Variants in NKAIN2 observed in about 807,000 individuals in gnomAD.
NKAIN2 encodes sodium/potassium transporting ATPase interacting 2, also known as sodium/potassium-transporting ATPase subunit beta-1-interacting protein 2.
Under a neutral mutation model 32.6 loss-of-function variants are expected in NKAIN2, and 14 were observed. The observed-to-expected ratio is 0.43, with a 90% CI of 0.28 to 0.67. The LOEUF (loss-of-function observed/expected upper bound fraction) is 0.67, where lower values mean the gene tolerates loss of function less well. Ranked by LOEUF, NKAIN2 falls within the 30% of genes least tolerant of loss-of-function variation. The pLI is 0.17. For synonymous variants in NKAIN2, 80 were observed against 87.2 expected (o/e 0.92, Z 0.46); for missense variants, 198 against 258.3 (o/e 0.77, Z 1.60).
chr6:124,754,220 G>GTAAAT (rs1777857628), intron 4 of NKAIN2, among the ~76,000 whole-genome samples: 1 of 152,044 alleles, frequency 6.6e-6, no homozygotes, highest in Non-Finnish European at 1.5e-5. Context: ...GGTATTTATG[G>GTAAAT]ATGTAAACAT....
At chr6:123,822,367 A>C (rs1241339703) in intron 1 of NKAIN2, among the ~76,000 whole-genome samples, 8 of 152,198 alleles carry the variant, frequency 5.3e-5, no homozygotes, top group African/African-American at 1.4e-4. Context: ...TGGAGTTGAT[A>C]AGCCAGTTGG....
chr6:124,098,049 G>C (rs1421600589), intron 1 of NKAIN2, among the ~76,000 whole-genome samples: 1 of 152,142 alleles, frequency 6.6e-6, no homozygotes. Context: ...CTGGGGAAGA[G>C]GAGACCAAGG....
intron 1 of NKAIN2, among the ~76,000 whole-genome samples, chr6:124,082,990 C>G (rs1002315967): frequency 6.6e-6 from 1 of 151,932 alleles, no homozygotes; most frequent in African/African-American, 2.4e-5. Flanking sequence ...ACTATTATAT[C>G]TAAAAGACAG....
intron 1 of NKAIN2, among the ~76,000 whole-genome samples, chr6:123,932,367 A>C (rs1284474822): frequency 6.8e-6 from 1 of 147,198 alleles, no homozygotes; most frequent in Non-Finnish European, 1.5e-5. Flanking sequence ...TTACAAATCA[A>C]CATGTGTGGA....
In NKAIN2 at chr6:124,452,005, G is replaced by A. The variant is rs1479789210; in HGVS notation, c.273+96658G>A. On this transcript the variant is annotated intron_variant, in intron 3 of 6. Transcript: ENST00000368417. ...AGTCCAGGAGTTTGAGACCAGCCTG[G>A]GAGGCATGGCAAAACCCCATCTCCA... is the stretch of plus-strand genomic sequence containing the variant. Among the ~76,000 whole-genome samples the A allele has an allele frequency of 3.3e-5, 5 of 152,078 alleles. No individual in the cohort carries two copies. The East Asian group carries it at 9.7e-4, about 30-fold the overall frequency.
intron 1 of NKAIN2, among the ~76,000 whole-genome samples, chr6:124,147,511 A>T (rs578081536): frequency 1.3e-5 from 2 of 152,156 alleles, no homozygotes; most frequent in Non-Finnish European, 2.9e-5. Flanking sequence ...AAATGCTCAG[A>T]TGAAAGGTTC....
At chr6:124,694,725 G>C (rs139514154) in intron 4 of NKAIN2, among the ~76,000 whole-genome samples, 1 of 152,180 alleles carries the variant, frequency 6.6e-6, no homozygotes, top group Non-Finnish European at 1.5e-5. Context: ...TGCTAGAAAC[G>C]TGTAGCTGGA....
chr6:124,048,925 G>A (rs893939765), intron 1 of NKAIN2, among the ~76,000 whole-genome samples: 3 of 151,926 alleles, frequency 2.0e-5, no homozygotes, highest in Admixed American at 6.6e-5. Flanking sequence ...ATTAAACATG[G>A]CTTATGATAT....
At chr6:124,409,204 G>T (rs535240178) in intron 3 of NKAIN2, among the ~76,000 whole-genome samples, 1 of 152,166 alleles carries the variant, frequency 6.6e-6, no homozygotes, top group African/African-American at 2.4e-5. Flanking sequence ...CTGCCTGATT[G>T]CCCTGGCCAG....
intron 1 of NKAIN2, among the ~76,000 whole-genome samples, chr6:123,947,656 G>A (rs1003282154): frequency 6.6e-6 from 1 of 152,036 alleles, no homozygotes; most frequent in Admixed American, 6.6e-5. Flanking sequence ...TATTTATGGG[G>A]TACAGGTGAT....
chr6:124,229,657 A>T (rs1276358994), intron 1 of NKAIN2, among the ~76,000 whole-genome samples: 1 of 152,072 alleles, frequency 6.6e-6, no homozygotes, highest in Admixed American at 6.6e-5. Flanking sequence ...AGATAATTGA[A>T]CCATGGAAGT....
intron 1 of NKAIN2, among the ~76,000 whole-genome samples, chr6:124,185,179 A>G (rs959872515): frequency 2.6e-5 from 4 of 152,144 alleles, no homozygotes; most frequent in African/African-American, 9.7e-5. Flanking sequence ...TTCAACTTGA[A>G]CTGGACTCTT....
chr6:123,844,843 C>A lies in NKAIN2; in HGVS notation c.54+40589C>A, dbSNP rs1049943980. Among the ~76,000 whole-genome samples the A allele has an allele frequency of 8.5e-5, 13 of 152,146 alleles. No individual in the cohort carries two copies. The East Asian group carries it at 2.5e-3, about 29-fold the overall frequency. On this transcript the variant is annotated intron_variant, in intron 1 of 6. Coordinates refer to ENST00000368417, the MANE Select transcript of NKAIN2 (RefSeq NM_001040214.3). ...ATATGGTCAGTATTAGACATATACTCTTCATCAAGAATTATTTCCAATTTA... is the reference window on the plus strand; with the variant it reads ...ATATGGTCAGTATTAGACATATACTATTCATCAAGAATTATTTCCAATTTA...
At chr6:123,896,298 GA>G (rs998773788) in intron 1 of NKAIN2, among the ~76,000 whole-genome samples, 3 of 151,924 alleles carry the variant, frequency 2.0e-5, no homozygotes, top group African/African-American at 7.3e-5. Flanking sequence ...TTACAACTGA[GA>G]AAAAAACATG....
At chr6:123,828,286 A>T (rs550953506) in intron 1 of NKAIN2, among the ~76,000 whole-genome samples, 4 of 152,308 alleles carry the variant, frequency 2.6e-5, no homozygotes, top group Non-Finnish European at 5.9e-5. Flanking sequence ...AAATGAATGC[A>T]CATTTTTGGA....
At chr6:124,076,889 C>T (rs747454973) in intron 1 of NKAIN2, among the ~76,000 whole-genome samples, 1 of 152,132 alleles carries the variant, frequency 6.6e-6, no homozygotes, top group African/African-American at 2.4e-5. Context: ...CTGGTTTTCT[C>T]CATTGTAAAT....
In NKAIN2 at chr6:124,437,871, G is replaced by GGTTTTTTTTTTTTTTTTTTTT. The variant is rs751652394; in HGVS notation, c.273+82524_273+82525insGTTTTTTTTTTTTTTTTTTTT. 8 of 345,726 alleles carry GGTTTTTTTTTTTTTTTTTTTT rather than the reference G, an allele frequency of 2.3e-5. 1 individual carries two copies. The highest frequency in any genetic ancestry group is 1.2e-4 in the African/African-American group (4 of 34,506). The allele number at this position is 345,726 out of a possible 1,614,324, so 21.4% of individuals were successfully genotyped here. ...TGTAGGGAATACGTACTGATCTATT[G>GGTTTTTTTTTTTTTTTTTTTT]ATTTTTTTTTTTTTTTTTTTCTTAA... On this transcript the variant is annotated intron_variant, in intron 3 of 6. Coordinates refer to ENST00000368417, the MANE Select transcript of NKAIN2 (RefSeq NM_001040214.3).
chr6:124,792,844 G>A (rs1779806667), intron 5 of NKAIN2, among the ~76,000 whole-genome samples: 1 of 152,086 alleles, frequency 6.6e-6, no homozygotes, highest in Non-Finnish European at 1.5e-5. Context: ...AAGTATGGGT[G>A]AGATAGTAGA....
intron 3 of NKAIN2, among the ~76,000 whole-genome samples, chr6:124,456,601 AT>A (rs1270931741): frequency 4.6e-5 from 7 of 151,732 alleles, no homozygotes; most frequent in African/African-American, 1.2e-4. Flanking sequence ...GTTACTGGCC[AT>A]TTCTCTCCTT....
Sources: gnomAD v4.1 joint callset for allele counts (sites outside exome capture counted in the v4.1 genomes callset) on GRCh38, gnomAD v4.1.1 for gene constraint, MANE v1.5 for transcripts, NCBI Gene and HGNC (gene_info 2026-07-23, HGNC 2026-07-21) for gene names.